Variants in XPR1 observed in about 807,000 individuals in gnomAD.
The protein encoded by XPR1 is xenotropic and polytropic retrovirus receptor 1.
A neutral mutation model predicts 87.5 loss-of-function variants in XPR1; 28 were observed. That is an observed-to-expected ratio of 0.32 (90% CI 0.24 to 0.44). The LOEUF (loss-of-function observed/expected upper bound fraction) is 0.44, where lower values mean the gene tolerates loss of function less well. Ranked by LOEUF, XPR1 falls within the 20% of genes least tolerant of loss-of-function variation. XPR1 has a pLI of 1.00. For synonymous variants in XPR1, 300 were observed against 306.1 expected, an observed-to-expected ratio of 0.98 and a Z score of 0.21; for missense variants, 559 against 862.3, an observed-to-expected ratio of 0.65 and a Z score of 4.41.
At chr1:180,653,126 AAC>A (rs1214177185) in intron 1 of XPR1, among the ~76,000 whole-genome samples, 1 of 152,192 alleles carries the variant, frequency 6.6e-6, no homozygotes, top group East Asian at 1.9e-4. Context: ...CTAGATGAAC[AAC>A]ACAGTGTCTT....
At chr1:180,787,285 T>G (rs1258108718) in intron 2 of XPR1, among the ~76,000 whole-genome samples, 4 of 135,356 alleles carry the variant, frequency 3.0e-5, no homozygotes, top group Admixed American at 2.2e-4. Flanking sequence ...AGGTTTTTTT[T>G]GTTTTTTTTT....
At chr1:180,662,629 T>G (rs1655818578) in intron 1 of XPR1, among the ~76,000 whole-genome samples, 1 of 152,214 alleles carries the variant, frequency 6.6e-6, no homozygotes, top group Non-Finnish European at 1.5e-5. Flanking sequence ...TTCTGCTTGG[T>G]GTTCTATAAC....
intron 1 of XPR1, among the ~76,000 whole-genome samples, chr1:180,675,064 A>G (rs1487967030): frequency 6.6e-6 from 1 of 152,194 alleles, no homozygotes; most frequent in East Asian, 1.9e-4. Context: ...TTACATTTAT[A>G]TATATTTTAA....
At chr1:180,656,509 T>TTTATACA (rs1553233040) in intron 1 of XPR1, among the ~76,000 whole-genome samples, 515 of 4,870 alleles carry the variant, frequency 0.11, 143 homozygotes, top group African/African-American at 0.2. Flanking sequence ...ATATATAATA[T>TTTATACA]TTATATATAA....
chr1:180,769,759 C>T (rs112872534), intron 2 of XPR1, among the ~76,000 whole-genome samples: 54 of 152,132 alleles, frequency 3.5e-4, no homozygotes, highest in African/African-American at 1.2e-3. Flanking sequence ...GATATCTCTT[C>T]GATATGCTAA....
chr1:180,777,732 T>TA (rs758755034), intron 2 of XPR1, among the ~76,000 whole-genome samples: 3 of 152,292 alleles, frequency 2.0e-5, no homozygotes, highest in Non-Finnish European at 2.9e-5. Context: ...ATCACACTCT[T>TA]AAAAAAACAC....
rs1000541313 is a variant in XPR1 at position 180,886,780 on chromosome 1, C to G, written c.*2714C>G. On this transcript the variant is annotated 3_prime_UTR_variant, in exon 15 of 15. Transcript: ENST00000367590. ...TTCAAAAAAGGCAATGTGCACTTTC[C>G]TCTCCTAAATTTTATATGCCCTAGC... 2.6e-5 allele frequency: 4 copies of G among 152,194 alleles called. No homozygotes were observed. Among genetic ancestry groups the G allele is most frequent in the Admixed American group, 6.5e-5 (1 of 15,278 alleles). 9.4% of individuals were successfully genotyped at this position (152,194 alleles called of 1,614,324 possible).
intron 11 of XPR1, among the ~76,000 whole-genome samples, chr1:180,856,035 C>T (rs915176254): frequency 1.3e-5 from 2 of 152,086 alleles, no homozygotes; most frequent in Non-Finnish European, 2.9e-5. Flanking sequence ...GCTTAAGAGT[C>T]CCCTACTCTA....
intron 2 of XPR1, among the ~76,000 whole-genome samples, chr1:180,755,777 A>C (rs1647714694): frequency 6.6e-6 from 1 of 152,142 alleles, no homozygotes; most frequent in African/African-American, 2.4e-5. Flanking sequence ...TTGTGCTTCT[A>C]ACCCCACTTT....
chr1:180,636,135 C>T (rs1654750022), intron 1 of XPR1, among the ~76,000 whole-genome samples: 1 of 152,184 alleles, frequency 6.6e-6, no homozygotes, highest in Non-Finnish European at 1.5e-5. Flanking sequence ...TATAAGGAGA[C>T]ATTACCATAA....
At chr1:180,761,379 A>G (rs921166880) in intron 2 of XPR1, among the ~76,000 whole-genome samples, 1 of 152,242 alleles carries the variant, frequency 6.6e-6, no homozygotes, top group African/African-American at 2.4e-5. Flanking sequence ...CGTCTGACAA[A>G]GGGCTAATAT....
At position 180,888,330 on chromosome 1, in the gene XPR1, G is replaced by T. The variant is rs1020412944; in HGVS notation, c.*4264G>T. Reference sequence around the variant, plus strand: ...TACAAATCTGGTAAGCAGATTTCAGGTCATTATTGTTTTCTTTTAATGGTT... The same window carrying T: ...TACAAATCTGGTAAGCAGATTTCAGTTCATTATTGTTTTCTTTTAATGGTT... On this transcript the variant is annotated 3_prime_UTR_variant, in exon 15 of 15. Coordinates refer to ENST00000367590, the MANE Select transcript of XPR1 (RefSeq NM_004736.4). The T allele has an allele frequency of 6.6e-6, 1 of 151,398 alleles. No individual in the cohort carries two copies. Among genetic ancestry groups the T allele is most frequent in the African/African-American group, 2.4e-5 (1 of 41,174 alleles). 9.4% of individuals were successfully genotyped at this position (151,398 alleles called of 1,614,324 possible). A position where few individuals can be genotyped will look rare whatever the true frequency, so the allele number is the denominator to read the frequency against.
intron 14 of XPR1, 90 bp from the exon 15 acceptor site, chr1:180,883,916 A>G: frequency 8.7e-7 from 1 of 1,146,698 alleles, no homozygotes. Context: ...ATGTTTAATG[A>G]TGGTAAGACT....
At chr1:180,759,683 G>C (rs1295319693) in intron 2 of XPR1, among the ~76,000 whole-genome samples, 1 of 152,124 alleles carries the variant, frequency 6.6e-6, no homozygotes, top group Non-Finnish European at 1.5e-5. Flanking sequence ...TTCTACCAGA[G>C]GTACAAGGAG....
At chr1:180,709,609 T>C (rs1657690439) in intron 2 of XPR1, among the ~76,000 whole-genome samples, 1 of 152,258 alleles carries the variant, frequency 6.6e-6, no homozygotes, top group Non-Finnish European at 1.5e-5. Flanking sequence ...GATTCCAAAG[T>C]AGCAGTGCAA....
intron 7 of XPR1, among the ~76,000 whole-genome samples, chr1:180,819,057 C>T (rs1650516415): frequency 6.6e-6 from 1 of 152,188 alleles, no homozygotes; most frequent in Non-Finnish European, 1.5e-5. Context: ...TCAGGCGATC[C>T]TCCTGCCTCA....
chr1:180,709,950 G>A (rs1272341732), intron 2 of XPR1, among the ~76,000 whole-genome samples: 1 of 150,264 alleles, frequency 6.7e-6, no homozygotes. Context: ...CTGTCACCTA[G>A]GCTGGAGTGC....
intron 2 of XPR1, among the ~76,000 whole-genome samples, chr1:180,705,060 A>T (rs1054142245): frequency 2.6e-5 from 4 of 151,876 alleles, no homozygotes; most frequent in Admixed American, 2.0e-4. Context: ...TTTGGATTTG[A>T]CAAAATGTGT....
intron 2 of XPR1, among the ~76,000 whole-genome samples, chr1:180,748,562 G>A (rs1647378534): frequency 6.6e-6 from 1 of 151,524 alleles, no homozygotes; most frequent in South Asian, 2.1e-4. Context: ...GGGATTACAG[G>A]CATGCGCCAC....
Sources: gnomAD v4.1 joint callset for allele counts (sites outside exome capture counted in the v4.1 genomes callset) on GRCh38, gnomAD v4.1.1 for gene constraint, MANE v1.5 for transcripts, NCBI Gene and HGNC (gene_info 2026-07-23, HGNC 2026-07-21) for gene names.